CTNNA1: variants seen among roughly 807,000 people sequenced by gnomAD.
CTNNA1 encodes the protein catenin alpha-1.
In CTNNA1, 37 loss-of-function variants were observed where a neutral mutation model predicts 98.4. That is an observed-to-expected ratio of 0.38 (90% CI 0.29 to 0.49). The LOEUF (loss-of-function observed/expected upper bound fraction) is 0.49, where lower values mean the gene tolerates loss of function less well. Among genes scored for constraint, CTNNA1 ranks in the 20% least tolerant of loss-of-function variants. CTNNA1 has a pLI of 0.95. For missense variants in CTNNA1, 761 were observed against 1,147.2 expected, an observed-to-expected ratio of 0.66 and a Z score of 4.86; for synonymous variants, 404 against 413.2, an observed-to-expected ratio of 0.98 and a Z score of 0.27.
chr5:138,882,370 G>A (rs1344609526), intron 7 of CTNNA1, among the ~76,000 whole-genome samples: 2 of 152,178 alleles, frequency 1.3e-5, no homozygotes, highest in African/African-American at 4.8e-5. Context: ...CATGGAAGAT[G>A]GCAGAGTGAC....
intron 1 of CTNNA1, among the ~76,000 whole-genome samples, chr5:138,759,980 C>CTTCTTTTT (rs1752136893): frequency 1.6e-5 from 1 of 61,244 alleles, no homozygotes; most frequent in African/African-American, 7.8e-5. Context: ...AATTTCTTTC[C>CTTCTTTTT]TTTTTTTTTT....
chr5:138,782,143 T>G, intron 2 of CTNNA1, 114 bp downstream of exon 2: 1 of 968,460 alleles, frequency 1.0e-6, no homozygotes, highest in South Asian at 1.5e-5. Flanking sequence ...TACTTGAGTT[T>G]AGGTGACAGT....
intron 7 of CTNNA1, among the ~76,000 whole-genome samples, chr5:138,839,538 T>G (rs116777925): frequency 0.012 from 1,777 of 152,352 alleles, 28 homozygotes; most frequent in African/African-American, 0.041. Flanking sequence ...AAAGTGTCAC[T>G]TAGATCTAGT....
intron 7 of CTNNA1, among the ~76,000 whole-genome samples, chr5:138,868,252 G>GT (rs778597301): frequency 4.0e-4 from 61 of 152,338 alleles, no homozygotes; most frequent in Admixed American, 2.5e-3. Context: ...GAAGTCAAAA[G>GT]TTATGCAGAT....
chr5:138,894,829 T>G (rs1255170342), intron 9 of CTNNA1, among the ~76,000 whole-genome samples: 2 of 152,188 alleles, frequency 1.3e-5, no homozygotes, highest in Non-Finnish European at 2.9e-5. Flanking sequence ...TCTCCCTTGC[T>G]GAATGACTTC....
chr5:138,902,834 T>G (rs999502667), intron 9 of CTNNA1, among the ~76,000 whole-genome samples: 14 of 152,246 alleles, frequency 9.2e-5, no homozygotes, highest in African/African-American at 3.1e-4. Flanking sequence ...AGTTGTAGAT[T>G]ACTCTTCATG....
At chr5:138,904,326 A>C (rs762606787) in intron 9 of CTNNA1, 23 bp from the exon 10 acceptor site, 2 of 1,603,966 alleles carry the variant, frequency 1.2e-6, no homozygotes, top group East Asian at 4.5e-5. Context: ...AAAATCTTTA[A>C]AGATTATTTT....
intron 1 of CTNNA1, among the ~76,000 whole-genome samples, chr5:138,760,959 G>T (rs1752291494): frequency 6.6e-6 from 1 of 152,158 alleles, no homozygotes; most frequent in African/African-American, 2.4e-5. Context: ...AGTTCTGGAA[G>T]GCCACATGCT....
chr5:138,793,277 G>A (rs1489494896), intron 3 of CTNNA1, among the ~76,000 whole-genome samples: 1 of 152,162 alleles, frequency 6.6e-6, no homozygotes, highest in Admixed American at 6.5e-5. Flanking sequence ...TAAGTCTTTA[G>A]GGCAGAGGCT....
At chr5:138,804,170 G>A (rs183516429) in intron 3 of CTNNA1, among the ~76,000 whole-genome samples, 2 of 152,352 alleles carry the variant, frequency 1.3e-5, no homozygotes, top group East Asian at 3.9e-4. Context: ...ATCGTGCAGA[G>A]GAGGAAACAG....
At chr5:138,867,437 A>G (rs979100690) in intron 7 of CTNNA1, among the ~76,000 whole-genome samples, 1 of 152,226 alleles carries the variant, frequency 6.6e-6, no homozygotes, top group Non-Finnish European at 1.5e-5. Flanking sequence ...ATGCCCTAGC[A>G]CTGCCCAGGT....
chr5:138,905,538 C>T (rs1759057834), intron 10 of CTNNA1, among the ~76,000 whole-genome samples: 1 of 152,202 alleles, frequency 6.6e-6, no homozygotes. Flanking sequence ...ATAAAGCAGC[C>T]TTATGATACA....
chr5:138,926,589 C>T (rs1042628271), intron 13 of CTNNA1, among the ~76,000 whole-genome samples: 1 of 152,194 alleles, frequency 6.6e-6, no homozygotes, highest in Non-Finnish European at 1.5e-5. Context: ...TACCTTCCTC[C>T]TAGCACCATG....
chr5:138,841,540 A>G (rs1203117020), intron 7 of CTNNA1, among the ~76,000 whole-genome samples: 2 of 152,334 alleles, frequency 1.3e-5, no homozygotes, highest in Admixed American at 6.5e-5. Context: ...TATTACAGAC[A>G]TGAGCCACTG....
intron 9 of CTNNA1, among the ~76,000 whole-genome samples, chr5:138,889,831 G>C (rs150542998): frequency 9.0e-4 from 137 of 152,204 alleles, no homozygotes; most frequent in African/African-American, 3.2e-3. Context: ...CGGTAATAGA[G>C]ACACTAGGAT....
intron 10 of CTNNA1, among the ~76,000 whole-genome samples, chr5:138,913,116 C>T (rs147194711): frequency 1.6e-4 from 24 of 149,704 alleles, no homozygotes; most frequent in Non-Finnish European, 3.3e-4. Context: ...TTTTAACTTT[C>T]ATTCAGTTTC....
chr5:138,861,240 C>T (rs1032057230), intron 7 of CTNNA1, among the ~76,000 whole-genome samples: 4 of 152,000 alleles, frequency 2.6e-5, no homozygotes, highest in Non-Finnish European at 5.9e-5. Flanking sequence ...AGGCTGGTCT[C>T]GAACTCCTGA....
intron 7 of CTNNA1, among the ~76,000 whole-genome samples, chr5:138,855,745 T>C (rs1376898429): frequency 6.6e-6 from 1 of 152,232 alleles, no homozygotes; most frequent in Non-Finnish European, 1.5e-5. Flanking sequence ...TTTTGGTAGG[T>C]ACTTTCCATT....
chr5:138,932,803 C>A, intron 17 of CTNNA1, 91 bp downstream of exon 17: 1 of 1,501,776 alleles, frequency 6.7e-7, no homozygotes, highest in Non-Finnish European at 9.2e-7. Flanking sequence ...TAAACACCTG[C>A]CCTGGGAAAG....
Sources: allele counts gnomAD v4.1 joint callset (sites outside exome capture counted in the v4.1 genomes callset), GRCh38; gene constraint gnomAD v4.1.1; transcripts MANE v1.5; gene names NCBI Gene and HGNC (gene_info 2026-07-23, HGNC 2026-07-21).